The following CSK variants were observed in gnomAD, a reference collection of about 807,000 sequenced individuals.
CSK encodes the protein C-terminal Src kinase.
In CSK, 7 loss-of-function variants were observed where a neutral mutation model predicts 62.3. That is an observed-to-expected ratio of 0.11 (90% CI 0.06 to 0.21). The LOEUF (loss-of-function observed/expected upper bound fraction) is 0.21. Among genes scored for constraint, CSK ranks in the 10% least tolerant of loss-of-function variants. The pLI, the probability that CSK is intolerant of heterozygous loss-of-function variation, is 1.00. For missense variants in CSK, 294 were observed against 613.5 expected (o/e 0.48, Z 5.50); for synonymous variants, 237 against 246.0 (o/e 0.96, Z 0.34).
At chr15:74,797,738 A>G (rs1460137984) in intron 1 of CSK, among the ~76,000 whole-genome samples, 1 of 150,554 alleles carries the variant, frequency 6.6e-6, no homozygotes, top group East Asian at 2.0e-4. Flanking sequence ...CTGTCTAGGC[A>G]GACACATGTC....
intron 5 of CSK, 31 bp from the exon 6 acceptor site, chr15:74,800,381 C>G (rs1166543564): frequency 1.2e-6 from 2 of 1,602,622 alleles, no homozygotes; most frequent in African/African-American, 2.7e-5. Context: ...CTTGGGCTGT[C>G]TCTGAGCACC....
chr15:74,793,316 C>G (rs959342499), intron 1 of CSK: 6 of 152,716 alleles, frequency 3.9e-5, no homozygotes, highest in African/African-American at 1.4e-4. Context: ...CTCCTTGAGG[C>G]AGCCCACCCC....
At chr15:74,795,819 G>C (rs982360733) in intron 1 of CSK, among the ~76,000 whole-genome samples, 1 of 152,118 alleles carries the variant, frequency 6.6e-6, no homozygotes, top group Non-Finnish European at 1.5e-5. Context: ...ATAGCCTATT[G>C]TTGTCAGAAA....
At chr15:74,800,550 C>T in intron 6 of CSK, 45 bp downstream of exon 6, 1 of 1,586,932 alleles carries the variant, frequency 6.3e-7, no homozygotes, top group Non-Finnish European at 8.6e-7. Flanking sequence ...CACCTCCTCC[C>T]ACGCAGGCTT....
intron 10 of CSK, 40 bp from the exon 11 acceptor site, chr15:74,801,655 A>G (rs1330107700): frequency 6.2e-7 from 1 of 1,609,042 alleles, no homozygotes; most frequent in African/African-American, 1.3e-5. Context: ...CTGCTATGGG[A>G]GCCCCAGTCT....
intron 7 of CSK, 21 bp downstream of exon 7, chr15:74,800,767 TG>T (rs751985066): frequency 3.8e-5 from 60 of 1,584,128 alleles, no homozygotes; most frequent in East Asian, 9.3e-5. Context: ...CCGGGCCCCC[TG>T]GGGGGGTTCT....
intron 1 of CSK, among the ~76,000 whole-genome samples, chr15:74,797,558 T>C (rs1267005787): frequency 6.6e-6 from 1 of 152,162 alleles, no homozygotes; most frequent in African/African-American, 2.4e-5. Context: ...ATCAGTGTTA[T>C]TTAATGGTTG....
intron 1 of CSK, among the ~76,000 whole-genome samples, chr15:74,794,942 G>A (rs535601625): frequency 1.1e-4 from 16 of 152,246 alleles, no homozygotes; most frequent in Non-Finnish European, 1.8e-4. Context: ...TTTATGCCAG[G>A]CCCACTTGAA....
At chr15:74,795,296 G>A (rs143611742) in intron 1 of CSK, among the ~76,000 whole-genome samples, 3,454 of 152,144 alleles carry the variant, frequency 0.023, 325 homozygotes, top group Admixed American at 0.18. Context: ...CTTCTCCCGC[G>A]CCACTGCACT....
chr15:74,783,395 C>G (rs2141765999), intron 1 of CSK, among the ~76,000 whole-genome samples: 1 of 152,248 alleles, frequency 6.6e-6, no homozygotes, highest in Non-Finnish European at 1.5e-5. Flanking sequence ...GACCAGGTGT[C>G]AGGAAGGGGT....
At chr15:74,790,376 G>T (rs573684307) in intron 1 of CSK, among the ~76,000 whole-genome samples, 69 of 152,304 alleles carry the variant, frequency 4.5e-4, no homozygotes, top group African/African-American at 1.6e-3. Flanking sequence ...CTGCTTCCAG[G>T]GTAGGAAAAG....
At chr15:74,797,730 G>A (rs2063728172) in intron 1 of CSK, among the ~76,000 whole-genome samples, 1 of 151,250 alleles carries the variant, frequency 6.6e-6, no homozygotes, top group South Asian at 2.1e-4. Context: ...TCCTGTGCCT[G>A]TCTAGGCAGA....
rs941487570 is a variant in CSK at position 74,802,737 on chromosome 15, G to A, written c.*224G>A. 16 of 508,828 alleles carry A rather than the reference G, an allele frequency of 3.1e-5. No homozygotes were observed. The highest frequency in any genetic ancestry group is 1.7e-4 in the Admixed American group (4 of 23,122). The allele number at this position is 508,828 out of a possible 1,614,324, so 31.5% of individuals were successfully genotyped here. On this transcript the variant is annotated 3_prime_UTR_variant, in exon 13 of 13. Transcript: ENST00000220003. Reference sequence around the variant, plus strand: ...CCAGGGAGGAAGGAGGCCACGGAGCGGGAGGCAGCGCCCCACCACGTCGGG... The same window carrying A: ...CCAGGGAGGAAGGAGGCCACGGAGCAGGAGGCAGCGCCCCACCACGTCGGG...
intron 1 of CSK, among the ~76,000 whole-genome samples, chr15:74,793,454 C>A (rs917199978): frequency 5.9e-5 from 9 of 152,184 alleles, no homozygotes; most frequent in African/African-American, 2.2e-4. Context: ...ACTCCTGGGG[C>A]CTGTCCGGCA....
At chr15:74,783,119 T>A (rs2063462283) in intron 1 of CSK, among the ~76,000 whole-genome samples, 1 of 152,340 alleles carries the variant, frequency 6.6e-6, no homozygotes, top group Non-Finnish European at 1.5e-5. Context: ...TGCTTGGTTC[T>A]GACCCCTCCC....
At chr15:74,793,986 C>T (rs994536711) in intron 1 of CSK, among the ~76,000 whole-genome samples, 4 of 152,174 alleles carry the variant, frequency 2.6e-5, no homozygotes, top group Non-Finnish European at 5.9e-5. Flanking sequence ...TCACCCCTAA[C>T]TAGCTATGTG....
intron 4 of CSK, 71 bp downstream of exon 4, chr15:74,799,009 AG>A: frequency 7.4e-7 from 1 of 1,356,260 alleles, no homozygotes; most frequent in Non-Finnish European, 9.8e-7. Context: ...AGGAGCAAGC[AG>A]GGAGGCCAGA....
rs536503363 is a variant in CSK at position 74,783,436 on chromosome 15, A to G, written c.-66+716A>G. ...CAGCCAGCAGATTTTTTGGAGCTTA[A>G]CTACCAGTTCACTTCCCCGCCCATT... On this transcript the variant is annotated intron_variant, in intron 1 of 12. Coordinates refer to ENST00000220003, the MANE Select transcript of CSK (RefSeq NM_004383.3). Among the ~76,000 whole-genome samples the G allele has an allele frequency of 3.9e-4, 59 of 152,324 alleles. 2 individuals carry two copies. In the South Asian group the frequency reaches 0.011, roughly 28 times the overall value.
intron 1 of CSK, among the ~76,000 whole-genome samples, chr15:74,785,618 C>T (rs1000566433): frequency 6.6e-6 from 1 of 152,228 alleles, no homozygotes; most frequent in Non-Finnish European, 1.5e-5. Context: ...CTCTAAAGTG[C>T]CTGGCACAGC....
Sources: gnomAD v4.1 joint callset for allele counts (sites outside exome capture counted in the v4.1 genomes callset) on GRCh38, gnomAD v4.1.1 for gene constraint, MANE v1.5 for transcripts, NCBI Gene and HGNC (gene_info 2026-07-23, HGNC 2026-07-21) for gene names.